Variants in EFHC2 observed in about 807,000 individuals in gnomAD.
The protein encoded by EFHC2 is EF-hand domain containing 2.
EFHC2 carries 18 observed loss-of-function variants against 52.7 expected under a neutral mutation model. The observed-to-expected ratio is 0.34, with a 90% CI of 0.24 to 0.51. The LOEUF is 0.51. Among genes scored for constraint, EFHC2 ranks in the 20% least tolerant of loss-of-function variants. The probability of loss-of-function intolerance (pLI) is 0.97; values close to 1 mark genes in which losing one functional copy is unlikely to be tolerated. For synonymous variants in EFHC2, 203 were observed against 204.1 expected, an observed-to-expected ratio of 0.99 and a Z score of 0.04; for missense variants, 513 against 562.5, an observed-to-expected ratio of 0.91 and a Z score of 0.89.
intron 2 of EFHC2, among the ~76,000 whole-genome samples, chrX:44,302,184 G>A (rs760881225): frequency 2.7e-5 from 3 of 111,725 alleles, no homozygotes; most frequent in Non-Finnish European, 5.6e-5. Flanking sequence ...TTAGTGGTAA[G>A]AGTCTTAAAA....
intron 9 of EFHC2, among the ~76,000 whole-genome samples, chrX:44,234,804 A>G (rs761341245): frequency 5.4e-5 from 6 of 111,783 alleles, no homozygotes; most frequent in Admixed American, 9.5e-5. Flanking sequence ...TGTGGGCCTG[A>G]GTGCTGGAAC....
chrX:44,162,320 G>A (rs1057118809), intron 14 of EFHC2, among the ~76,000 whole-genome samples: 1 of 111,295 alleles, frequency 9.0e-6, no homozygotes, highest in African/African-American at 3.3e-5. Flanking sequence ...CTATTCGGGA[G>A]GCTGAGGCAG....
At chrX:44,193,413 T>G (rs891879215) in intron 11 of EFHC2, among the ~76,000 whole-genome samples, 16 of 111,483 alleles carry the variant, frequency 1.4e-4, no homozygotes, top group Admixed American at 3.8e-4. Context: ...GGCATGTCCC[T>G]AACCCTGGCA....
chrX:44,222,015 C>T (rs2037197461), intron 11 of EFHC2, among the ~76,000 whole-genome samples: 1 of 111,410 alleles, frequency 9.0e-6, no homozygotes, highest in Admixed American at 9.6e-5. Flanking sequence ...TTGGATTTTC[C>T]AAGTATACAA....
chrX:44,284,475 A>G (rs925154804), intron 2 of EFHC2: 4 of 111,647 alleles, frequency 3.6e-5, no homozygotes, highest in African/African-American at 1.3e-4. Context: ...AGTGTTCTCC[A>G]GGAGATCCTG....
At chrX:44,178,169 A>ACACACACACACAC (rs3037408) in intron 12 of EFHC2, among the ~76,000 whole-genome samples, 198 bp downstream of exon 12, 21 of 107,394 alleles carry the variant, frequency 2.0e-4, no homozygotes, top group East Asian at 5.9e-4. Flanking sequence ...ACACACACAC[A>ACACACACACACAC]AGCTCTCCAT....
chrX:44,221,988 T>C (rs1246149317), intron 11 of EFHC2, among the ~76,000 whole-genome samples: 1 of 112,120 alleles, frequency 8.9e-6, no homozygotes, highest in African/African-American at 3.2e-5. Context: ...GTTCCAACCA[T>C]TTTAAAATTG....
chrX:44,209,609 A>C (rs1359227603), intron 11 of EFHC2, among the ~76,000 whole-genome samples: 2 of 109,947 alleles, frequency 1.8e-5, no homozygotes, highest in African/African-American at 3.3e-5. Flanking sequence ...GACAAGCTTG[A>C]CACGAGATGT....
intron 1 of EFHC2, among the ~76,000 whole-genome samples, chrX:44,340,431 C>T (rs1417754343): frequency 2.7e-5 from 3 of 110,636 alleles, no homozygotes; most frequent in East Asian, 2.8e-4. Flanking sequence ...GCGGGCGGAT[C>T]GCCTGAAGTC....
At chrX:44,203,940 AG>A (rs2037026278) in intron 11 of EFHC2, among the ~76,000 whole-genome samples, 1 of 110,290 alleles carries the variant, frequency 9.1e-6, no homozygotes, top group African/African-American at 3.3e-5. Context: ...CCATCAGGGC[AG>A]GTGCGTCCAC....
In EFHC2 at chrX:44,232,639, T is replaced by C; in HGVS notation, c.1462A>G (p.Lys488Glu). ...GGMFLKRSRV[K>E]KPGQEVFKSE... ...TTAAAGACTTCTTGTCCAGGCTTCT[T>C]AACGCGACTTCTTTTCAAGAACATC... Residue 488 changes from lysine (K) to glutamate (E), a missense_variant, in exon 10 of 15, where the codon AAG (lysine) becomes GAG (glutamate). Transcript: ENST00000420999. 8.3e-7 allele frequency: 1 copy of C among 1,198,570 alleles called. No homozygotes were observed. The highest frequency in any genetic ancestry group is 1.1e-6 in the Non-Finnish European group (1 of 888,604).
chrX:44,212,238 T>G (rs1477202817), intron 11 of EFHC2, among the ~76,000 whole-genome samples: 1 of 110,818 alleles, frequency 9.0e-6, no homozygotes, highest in Non-Finnish European at 1.9e-5. Context: ...CAAAAAAAAT[T>G]TTAATGCCTT....
intron 2 of EFHC2, among the ~76,000 whole-genome samples, chrX:44,273,063 T>C (rs2037628957): frequency 8.9e-6 from 1 of 112,533 alleles, no homozygotes; most frequent in Non-Finnish European, 1.9e-5. Context: ...AACAAGGAAA[T>C]GATATTCAAG....
At chrX:44,318,977 A>AG (rs1405913859) in intron 1 of EFHC2, among the ~76,000 whole-genome samples, 44 of 107,483 alleles carry the variant, frequency 4.1e-4, no homozygotes, top group African/African-American at 1.2e-3. Flanking sequence ...GTGGGTTGGA[A>AG]GGGGGAAGGT....
At chrX:44,205,255 G>A (rs1248995266) in intron 11 of EFHC2, among the ~76,000 whole-genome samples, 1 of 111,202 alleles carries the variant, frequency 9.0e-6, no homozygotes, top group African/African-American at 3.3e-5. Context: ...GCACACATAA[G>A]TATAAAGCCG....
chrX:44,208,924 T>A (rs1018120890), intron 11 of EFHC2, among the ~76,000 whole-genome samples: 2 of 110,275 alleles, frequency 1.8e-5, no homozygotes, highest in Non-Finnish European at 3.8e-5. Context: ...AGAAACCAAT[T>A]CATATGGATA....
At chrX:44,150,190 G>T (rs2036559223) in intron 14 of EFHC2, among the ~76,000 whole-genome samples, 1 of 111,580 alleles carries the variant, frequency 9.0e-6, no homozygotes. Flanking sequence ...GAATCACAAG[G>T]TGTCACAGAA....
At chrX:44,246,114 A>G (rs971165602) in intron 7 of EFHC2, among the ~76,000 whole-genome samples, 4 of 112,453 alleles carry the variant, frequency 3.6e-5, no homozygotes, top group Non-Finnish European at 7.5e-5. Flanking sequence ...AACATAACGC[A>G]TGTAATTTGG....
At chrX:44,309,867 C>A in intron 2 of EFHC2, 1 of 1,178,351 alleles carries the variant, frequency 8.5e-7, no homozygotes, top group Non-Finnish European at 1.2e-6. Flanking sequence ...CTGCCTTCTT[C>A]TTGACACAAG....
Sources: gnomAD v4.1 joint callset for allele counts (sites outside exome capture counted in the v4.1 genomes callset) on GRCh38, gnomAD v4.1.1 for gene constraint, MANE v1.5 for transcripts, NCBI Gene and HGNC (gene_info 2026-07-23, HGNC 2026-07-21) for gene names.